Variants in B4GALNT3 observed in about 807,000 individuals in gnomAD.
B4GALNT3 encodes beta-1,4-N-acetyl-galactosaminyltransferase 3, also known as beta-1,4-N-acetylgalactosaminyltransferase 3.
A neutral mutation model predicts 120.2 loss-of-function variants in B4GALNT3; 86 were observed. That is an observed-to-expected ratio of 0.72 (90% confidence interval 0.60 to 0.86). The LOEUF (loss-of-function observed/expected upper bound fraction) is 0.86. Among genes scored for constraint, B4GALNT3 ranks in the 40% least tolerant of loss-of-function variants. The pLI is 0.00. For synonymous variants in B4GALNT3, 518 were observed against 510.4 expected, an observed-to-expected ratio of 1.01 and a Z score of -0.20; for missense variants, 1,167 against 1,298.9, an observed-to-expected ratio of 0.90 and a Z score of 1.56.
At chr12:530,149 C>T (rs1442204551) in intron 1 of B4GALNT3, among the ~76,000 whole-genome samples, 2 of 152,316 alleles carry the variant, frequency 1.3e-5, no homozygotes, top group African/African-American at 2.4e-5. Flanking sequence ...TACATCCTGC[C>T]GTGTACCTTG....
chr12:473,579 C>G (rs192815743), intron 1 of B4GALNT3, among the ~76,000 whole-genome samples: 1 of 152,334 alleles, frequency 6.6e-6, no homozygotes, highest in Non-Finnish European at 1.5e-5. Context: ...CATCCAGCAT[C>G]TCAGAAATGG....
chr12:476,798 G>A (rs902884957), intron 1 of B4GALNT3, among the ~76,000 whole-genome samples: 11 of 152,146 alleles, frequency 7.2e-5, no homozygotes, highest in African/African-American at 2.7e-4. Flanking sequence ...CCTAGGACAG[G>A]GTGGACCCCA....
At chr12:461,932 G>T (rs564342311) in intron 1 of B4GALNT3, among the ~76,000 whole-genome samples, 2 of 152,262 alleles carry the variant, frequency 1.3e-5, no homozygotes, top group Non-Finnish European at 2.9e-5. Context: ...GATCTCCAAG[G>T]TGTCTTTCAG....
intron 1 of B4GALNT3, among the ~76,000 whole-genome samples, chr12:491,594 G>A (rs982480473): frequency 1.3e-4 from 19 of 151,980 alleles, no homozygotes; most frequent in Admixed American, 1.2e-3. Flanking sequence ...CTCCCAAAGT[G>A]CTGGGATTAT....
intron 1 of B4GALNT3, among the ~76,000 whole-genome samples, chr12:516,380 A>G (rs1946656271): frequency 6.6e-6 from 1 of 152,198 alleles, no homozygotes; most frequent in Non-Finnish European, 1.5e-5. Context: ...AAAAAGGGCA[A>G]GAAACCTTCG....
At chr12:462,946 G>A (rs1425614402) in intron 1 of B4GALNT3, among the ~76,000 whole-genome samples, 1 of 152,124 alleles carries the variant, frequency 6.6e-6, no homozygotes, top group African/African-American at 2.4e-5. Context: ...GGTGGGAAGG[G>A]GGTTGCTAGC....
At position 472,976 on chromosome 12, in the gene B4GALNT3, CTTT is replaced by C. The variant is rs71439341; in HGVS notation, c.169+12449_169+12451del. Reference sequence around the variant, plus strand: ...GATTTGTACTTTAATTGTTCAAACACTTTTTTTTTTTTTTTTTTTTGGATACAG... The same window carrying C: ...GATTTGTACTTTAATTGTTCAAACACTTTTTTTTTTTTTTTTTGGATACAG... On this transcript the variant is annotated intron_variant, in intron 1 of 19. Transcript: ENST00000266383. Among the ~76,000 whole-genome samples the C allele has an allele frequency of 1.5e-3, 223 of 146,732 alleles. 2 individuals carry two copies. The highest frequency in any genetic ancestry group is 5.4e-3 in the African/African-American group (213 of 39,284).
intron 1 of B4GALNT3, among the ~76,000 whole-genome samples, chr12:471,500 A>C (rs56182360): frequency 0.023 from 3,487 of 152,046 alleles, 62 homozygotes; most frequent in South Asian, 0.077. Context: ...TGAGGTCATG[A>C]GTTCAAGACC....
chr12:464,805 T>C (rs948993925), intron 1 of B4GALNT3, among the ~76,000 whole-genome samples: 2 of 152,206 alleles, frequency 1.3e-5, no homozygotes, highest in African/African-American at 4.8e-5. Context: ...CCGTTGGCTT[T>C]CGCTGCCTTA....
chr12:487,713 GAA>G (rs1555152272), intron 1 of B4GALNT3, among the ~76,000 whole-genome samples: 1 of 106,538 alleles, frequency 9.4e-6, no homozygotes, highest in Non-Finnish European at 2.3e-5. Flanking sequence ...ACTCTATCTT[GAA>G]AAAAAAAAAA....
At chr12:514,815 G>A (rs1168037819) in intron 1 of B4GALNT3, among the ~76,000 whole-genome samples, 2 of 152,006 alleles carry the variant, frequency 1.3e-5, no homozygotes, top group Non-Finnish European at 2.9e-5. Context: ...GATCACCTGA[G>A]GTCAGGAGCT....
chr12:485,592 CAAT>C (rs1045603241), intron 1 of B4GALNT3, among the ~76,000 whole-genome samples: 3 of 152,142 alleles, frequency 2.0e-5, no homozygotes, highest in Non-Finnish European at 2.9e-5. Context: ...AGAATGACAA[CAAT>C]GATTCTCAAC....
chr12:459,952 A>T lies in B4GALNT3; in HGVS notation c.-425A>T, dbSNP rs1259585124. 2.0e-5 allele frequency among the ~76,000 whole-genome samples: 3 copies of T among 147,768 alleles called. No homozygotes were observed. The highest frequency in any genetic ancestry group is 5.0e-5 in the African/African-American group (2 of 39,848). On this transcript the variant is annotated 5_prime_UTR_variant, in exon 1 of 20. Transcript: ENST00000266383. Reference sequence around the variant, plus strand: ...CGGGGGCGGGCCAGGTTCCGCGAGCAGGAGAGCCCAGAGCCCGGAGCCCGG... The same window carrying T: ...CGGGGGCGGGCCAGGTTCCGCGAGCTGGAGAGCCCAGAGCCCGGAGCCCGG...
chr12:519,612 T>TC (rs386375357), intron 1 of B4GALNT3, among the ~76,000 whole-genome samples: 10 of 148,210 alleles, frequency 6.7e-5, no homozygotes, highest in Non-Finnish European at 1.1e-4. Context: ...TTTTTTTTTT[T>TC]TCCGGTAAGG....
At position 558,410 on chromosome 12, in the gene B4GALNT3, C is replaced by G. The variant is rs955224331; in HGVS notation, c.2608-98C>G. On this transcript the variant is annotated intron_variant, in intron 17 of 19. Transcript: ENST00000266383. ...TGGTTTTGTGGGAGTTTGTGAATCA[C>G]TCCAATAGGGAAGACTCCGAGGCTT... 7.6e-6 allele frequency: 9 copies of G among 1,189,988 alleles called. No individual in the cohort carries two copies. In the East Asian group the frequency reaches 2.1e-4, roughly 28 times the overall value. 73.7% of individuals were successfully genotyped at this position (1,189,988 alleles called of 1,614,324 possible).
chr12:526,061 C>T (rs188924729), intron 1 of B4GALNT3, among the ~76,000 whole-genome samples: 1 of 152,288 alleles, frequency 6.6e-6, no homozygotes, highest in Admixed American at 6.5e-5. Flanking sequence ...GCAGAACTGG[C>T]CTGTGTGTGC....
chr12:474,095 G>A (rs77487524), intron 1 of B4GALNT3, among the ~76,000 whole-genome samples: 2,023 of 152,248 alleles, frequency 0.013, 37 homozygotes, highest in African/African-American at 0.046. Context: ...CAGGATAAGC[G>A]TCTCCTTCCT....
intron 1 of B4GALNT3, among the ~76,000 whole-genome samples, chr12:524,951 G>T (rs1047761270): frequency 1.2e-4 from 18 of 148,040 alleles, no homozygotes; most frequent in Non-Finnish European, 2.4e-4. Context: ...ACTATCTTCT[G>T]TTGAACTTGT....
At chr12:541,490 G>A (rs1221158127) in intron 3 of B4GALNT3, among the ~76,000 whole-genome samples, 1 of 152,122 alleles carries the variant, frequency 6.6e-6, no homozygotes, top group Non-Finnish European at 1.5e-5. Flanking sequence ...GGAGTCCCAC[G>A]TCCCTGCCAG....
Sources: allele counts gnomAD v4.1 joint callset (sites outside exome capture counted in the v4.1 genomes callset), GRCh38; gene constraint gnomAD v4.1.1; transcripts MANE v1.5; gene names NCBI Gene and HGNC (gene_info 2026-07-23, HGNC 2026-07-21).